The following FYN variants were observed in gnomAD, a reference collection of about 807,000 sequenced individuals.
The protein encoded by FYN is FYN proto-oncogene, Src family tyrosine kinase.
A neutral mutation model predicts 70.2 loss-of-function variants in FYN; 10 were observed. That is an observed-to-expected ratio of 0.14 (90% CI 0.09 to 0.24). The LOEUF (loss-of-function observed/expected upper bound fraction) is 0.24, where lower values mean the gene tolerates loss of function less well. FYN is among the 10% of genes least tolerant of loss of function. The pLI is 1.00. For missense variants in FYN, 319 were observed against 673.1 expected (o/e 0.47, Z 5.82); for synonymous variants, 236 against 248.6 (o/e 0.95, Z 0.48).
In FYN at chr6:111,852,013, A is replaced by G. The variant is rs144197412; in HGVS notation, c.-122-5384T>C. 1.4e-3 allele frequency among the ~76,000 whole-genome samples: 211 copies of G among 152,254 alleles called. 1 individual carries two copies. The highest frequency in any genetic ancestry group is 4.9e-3 in the African/African-American group (205 of 41,556). ...GGCCCAACAAAACATAAATGACGGT[A>G]TGTATGATCCAGCCCATAGAGTGGT... is the stretch of plus-strand genomic sequence containing the variant. On this transcript the variant is annotated intron_variant, in intron 1 of 13. Coordinates refer to ENST00000354650, the MANE Select transcript of FYN (RefSeq NM_002037.5).
At chr6:111,736,089 G>A (rs775952040) in intron 3 of FYN, among the ~76,000 whole-genome samples, 11 of 152,146 alleles carry the variant, frequency 7.2e-5, no homozygotes, top group South Asian at 2.1e-4. Context: ...CCACTGAAAA[G>A]GGCATGTAAC....
chr6:111,765,421 A>T (rs1803192525), intron 3 of FYN, among the ~76,000 whole-genome samples: 1 of 152,178 alleles, frequency 6.6e-6, no homozygotes, highest in Non-Finnish European at 1.5e-5. Flanking sequence ...CACCAGAGAC[A>T]GTGGCCATCT....
At chr6:111,758,740 A>T (rs1802861585) in intron 3 of FYN, 1 of 152,324 alleles carries the variant, frequency 6.6e-6, no homozygotes, top group African/African-American at 2.4e-5. Context: ...GCTTACTCTC[A>T]TACCATCAGC....
intron 3 of FYN, among the ~76,000 whole-genome samples, chr6:111,775,587 G>A (rs911676134): frequency 2.6e-5 from 4 of 152,176 alleles, no homozygotes; most frequent in African/African-American, 7.2e-5. Context: ...TCTTAAAGGC[G>A]GGGCCAGACT....
At chr6:111,833,825 T>C (rs969875842) in intron 2 of FYN, among the ~76,000 whole-genome samples, 2 of 152,180 alleles carry the variant, frequency 1.3e-5, no homozygotes, top group Admixed American at 1.3e-4. Context: ...ATTCTTCCCT[T>C]AGGCACCCAT....
At chr6:111,746,395 T>C (rs557672962) in intron 3 of FYN, among the ~76,000 whole-genome samples, 7 of 152,234 alleles carry the variant, frequency 4.6e-5, no homozygotes, top group Non-Finnish European at 7.3e-5. Flanking sequence ...TTCTCTGGTC[T>C]AGGGTTTCAT....
rs1416334093 is a variant in FYN at position 111,873,323 on chromosome 6, C to T, written c.-478G>A. 1 of 150,324 alleles carries T rather than the reference C, an allele frequency of 6.7e-6. No individual in the cohort carries two copies. Among genetic ancestry groups the T allele is most frequent in the African/African-American group, 2.4e-5 (1 of 41,178 alleles). 9.3% of individuals were successfully genotyped at this position (150,324 alleles called of 1,614,324 possible). On this transcript the variant is annotated 5_prime_UTR_variant, in exon 1 of 14. Transcript: ENST00000354650. ...GGGCGGGTCTCGAAGGCCTTCGGCT[C>T]GCGGCGACCCCTCCTCCTCGCCCGC...
At chr6:111,760,361 A>C (rs1298963590) in intron 3 of FYN, among the ~76,000 whole-genome samples, 1 of 152,094 alleles carries the variant, frequency 6.6e-6, no homozygotes, top group Non-Finnish European at 1.5e-5. Flanking sequence ...CATTTAAGGA[A>C]ACCCAACTAC....
chr6:111,695,692 A>AT (rs1361616982), intron 10 of FYN, among the ~76,000 whole-genome samples: 1 of 152,180 alleles, frequency 6.6e-6, no homozygotes, highest in Non-Finnish European at 1.5e-5. Flanking sequence ...TGGTTCATCT[A>AT]TTTTTCCAAA....
At chr6:111,808,000 C>T (rs1275129319) in intron 2 of FYN, among the ~76,000 whole-genome samples, 1 of 151,950 alleles carries the variant, frequency 6.6e-6, no homozygotes, top group Non-Finnish European at 1.5e-5. Context: ...CCCAGCTACT[C>T]GAGAGGCTGA....
rs1044630536 is a variant in FYN, at chr6:111,705,950, G to A, written c.444-1848C>T. Among the ~76,000 whole-genome samples the A allele has an allele frequency of 2.0e-5, 3 of 152,276 alleles. No homozygotes were observed. The South Asian group carries it at 6.2e-4, about 32-fold the overall frequency. On this transcript the variant is annotated intron_variant, in intron 6 of 13. Transcript: ENST00000354650. ...GGAGGGAGCCATCACGGTGGACCCT[G>A]TACATCTTTTCTTTGGCACAACTGT...
chr6:111,762,057 T>C (rs1388734617), intron 3 of FYN, among the ~76,000 whole-genome samples: 3 of 152,184 alleles, frequency 2.0e-5, no homozygotes, highest in East Asian at 1.9e-4. Flanking sequence ...GTAGGCTGTG[T>C]GTATGCAAAA....
Position 111,702,996 on chromosome 6 carries a change from T to G in FYN, c.586A>C (p.Lys196Gln). Residue 196 changes from lysine (K) to glutamine (Q), a missense_variant, in exon 8 of 14, where the codon AAA becomes CAA. Around this residue, in one of 4 missense-constraint regions of FYN, gnomAD observed 112 missense variants for 250.2 expected, o/e 0.45. Transcript: ENST00000354650. ...SLSIRDWDDM[K>Q]GDHVKHYKIR... ...TTATAATGTTTGACATGGTCTCCTT[T>G]CATATCATCCCAATCACGGATAGAA... The G allele has an allele frequency of 6.2e-7, 1 of 1,614,134 alleles. No individual in the cohort carries two copies. Among genetic ancestry groups the G allele is most frequent in the Non-Finnish European group, 8.5e-7 (1 of 1,179,996 alleles).
chr6:111,837,582 G>C (rs1361035126), intron 2 of FYN, among the ~76,000 whole-genome samples: 1 of 152,130 alleles, frequency 6.6e-6, no homozygotes, highest in Non-Finnish European at 1.5e-5. Flanking sequence ...CAAAGAAAGG[G>C]GGTACAACAA....
intron 3 of FYN, among the ~76,000 whole-genome samples, chr6:111,776,239 G>A (rs1311468842): frequency 2.0e-5 from 3 of 152,162 alleles, no homozygotes; most frequent in Non-Finnish European, 4.4e-5. Context: ...CATGGAAATG[G>A]CCCCTGAGGA....
intron 12 of FYN, among the ~76,000 whole-genome samples, chr6:111,677,136 C>T (rs984654261): frequency 6.6e-6 from 1 of 152,160 alleles, no homozygotes; most frequent in African/African-American, 2.4e-5. Context: ...CTTTCTAAGG[C>T]AAGCAATATA....
chr6:111,683,935 C>A (rs981293995), intron 12 of FYN, among the ~76,000 whole-genome samples: 3 of 152,144 alleles, frequency 2.0e-5, no homozygotes, highest in African/African-American at 7.2e-5. Context: ...CACACTAGGC[C>A]AAAGGAATGA....
intron 13 of FYN, among the ~76,000 whole-genome samples, chr6:111,666,267 G>A (rs374196136): frequency 5.4e-4 from 82 of 152,304 alleles, no homozygotes; most frequent in African/African-American, 1.9e-3. Flanking sequence ...AGCTGCAAGG[G>A]AGAGCATTTT....
At chr6:111,826,199 G>A (rs1418263268) in intron 2 of FYN, among the ~76,000 whole-genome samples, 1 of 152,060 alleles carries the variant, frequency 6.6e-6, no homozygotes, top group Non-Finnish European at 1.5e-5. Flanking sequence ...CGGTGTTTCA[G>A]TTTTTTCCCT....
Sources: allele counts gnomAD v4.1 joint callset (sites outside exome capture counted in the v4.1 genomes callset), GRCh38; gene constraint gnomAD v4.1.1; regional missense constraint gnomAD v4.1.1; transcripts MANE v1.5; gene names NCBI Gene and HGNC (gene_info 2026-07-23, HGNC 2026-07-21).